The following ANKRD28 variants were observed in gnomAD, a reference collection of about 807,000 sequenced individuals.
ANKRD28 encodes ankyrin repeat domain 28, also known as serine/threonine-protein phosphatase 6 regulatory ankyrin repeat subunit A.
Under a neutral mutation model 126.5 loss-of-function variants are expected in ANKRD28, and 44 were observed. The observed-to-expected ratio is 0.35, with a 90% CI of 0.27 to 0.45. The LOEUF is 0.45. Among genes scored for constraint, ANKRD28 ranks in the 20% least tolerant of loss-of-function variants. The probability of loss-of-function intolerance (pLI) is 1.00; values close to 1 mark genes in which losing one functional copy is unlikely to be tolerated. For missense variants in ANKRD28, 1,110 were observed against 1,316.6 expected, an observed-to-expected ratio of 0.84 and a Z score of 2.43; for synonymous variants, 442 against 468.5, an observed-to-expected ratio of 0.94 and a Z score of 0.73.
Position 15,846,194 on chromosome 3 carries a change from A to G in ANKRD28, c.27+13183T>C, listed in dbSNP as rs1430604774. Among the ~76,000 whole-genome samples, 1 of 152,222 alleles carries G rather than the reference A, an allele frequency of 6.6e-6. No individual in the cohort carries two copies. The highest frequency in any genetic ancestry group is 1.5e-5 in the Non-Finnish European group (1 of 68,034). The stretch of plus-strand genomic sequence containing the variant: ...TCTTCCATCTACGAGTCTGTAAAAT[A>G]AAAAACAAGTTAGTTACTTGAAAGA... On this transcript the variant is annotated intron_variant, in intron 1 of 27. Transcript: ENST00000399451. This position sits in a 1 kb window ranked among gnomAD's most constrained non-coding sequence, Gnocchi z 5.4.
In ANKRD28 at chr3:15,850,202, A is replaced by ATAT. The variant is rs1455598240; in HGVS notation, c.27+9174_27+9175insATA. Among the ~76,000 whole-genome samples, 348 of 54,952 alleles carry ATAT rather than the reference A, an allele frequency of 6.3e-3. 6 individuals carry two copies. The highest frequency in any genetic ancestry group is 0.014 in the South Asian group (21 of 1,516). 36.1% of individuals were successfully genotyped at this position (54,952 alleles called of 152,430 possible). A position where few individuals can be genotyped will look rare whatever the true frequency, so the allele number is the denominator to read the frequency against. ...TATCTACATGCAATAAAAAAAAAAA[A>ATAT]AAATATATATATATATATATATAGA... On this transcript the variant is annotated intron_variant, in intron 1 of 27. Transcript: ENST00000399451.
At chr3:15,852,053 G>A (rs948513081) in intron 1 of ANKRD28, among the ~76,000 whole-genome samples, 2 of 152,208 alleles carry the variant, frequency 1.3e-5, no homozygotes, top group African/African-American at 2.4e-5. Flanking sequence ...AAGCTGGCAA[G>A]AATGGAGGTT....
At chr3:15,759,145 G>A (rs2058324919) in intron 3 of ANKRD28, among the ~76,000 whole-genome samples, 1 of 152,144 alleles carries the variant, frequency 6.6e-6, no homozygotes, top group African/African-American at 2.4e-5. Flanking sequence ...AGGTGGTTGG[G>A]GGAGGAGGGT....
chr3:15,730,336 ATCAAT>A (rs1415386058), intron 6 of ANKRD28, among the ~76,000 whole-genome samples: 1 of 152,232 alleles, frequency 6.6e-6, no homozygotes, highest in East Asian at 1.9e-4. Context: ...GAAGAAAATG[ATCAAT>A]TCATTTGGAG....
intron 6 of ANKRD28, among the ~76,000 whole-genome samples, chr3:15,727,449 C>A (rs913757410): frequency 1.9e-3 from 282 of 151,398 alleles, no homozygotes; most frequent in African/African-American, 6.4e-3. Flanking sequence ...TGCCTGTAAT[C>A]CCAGCTACTT....
intron 2 of ANKRD28, chr3:15,781,462 T>G (rs1457427875): frequency 6.6e-6 from 1 of 152,178 alleles, no homozygotes; most frequent in East Asian, 1.9e-4. Context: ...GATTTAATCA[T>G]CCCACATTGT....
Position 15,668,521 on chromosome 3 carries a change from A to C in ANKRD28, c.*1749T>G, listed in dbSNP as rs1280095718. The C allele has an allele frequency of 1.3e-5, 2 of 152,566 alleles. No homozygotes were observed. The highest frequency in any genetic ancestry group is 2.1e-4 in the South Asian group (1 of 4,830). The allele number at this position is 152,566 out of a possible 1,614,324, so 9.5% of individuals were successfully genotyped here. ...ATAATTTCTGTAAATATTTTAGAAA[A>C]AATGCTTAAAATCTAGTAGTCAATG... On this transcript the variant is annotated 3_prime_UTR_variant, in exon 28 of 28. Coordinates refer to ENST00000683139, the MANE Select transcript of ANKRD28 (RefSeq NM_001349278.2).
At position 15,833,625 on chromosome 3, in the gene ANKRD28, C is replaced by A. The variant is rs2061255518; in HGVS notation, c.27+25752G>T. On this transcript the variant is annotated intron_variant, in intron 1 of 27. Transcript: ENST00000399451. The surrounding 1 kb of genome is among the most constrained non-coding windows in gnomAD (Gnocchi z 4.4). Reference sequence around the variant, plus strand: ...GAGAACCCTAATACAGCACCCTTGGCAACATCTGTTGTTTTTTTGACCTTT... The same window carrying A: ...GAGAACCCTAATACAGCACCCTTGGAAACATCTGTTGTTTTTTTGACCTTT... 6.6e-6 allele frequency among the ~76,000 whole-genome samples: 1 copy of A among 151,390 alleles called. No individual in the cohort carries two copies. Among genetic ancestry groups the A allele is most frequent in the Non-Finnish European group, 1.5e-5 (1 of 67,870 alleles).
rs563322991 is a variant in ANKRD28, at chr3:15,773,592, G to A, written c.202-7280C>T. 1.2e-4 allele frequency among the ~76,000 whole-genome samples: 18 copies of A among 152,106 alleles called. No homozygotes were observed. In the East Asian group the frequency reaches 3.5e-3, roughly 29 times the overall value. On this transcript the variant is annotated intron_variant, in intron 2 of 27. Transcript: ENST00000683139. ...GTGAGCCAAGACTGCACTCCTGCCT[G>A]GGCAACAGAGTAAGACTCCATGTCA...
At chr3:15,824,138 T>A (rs965360820) in intron 1 of ANKRD28, among the ~76,000 whole-genome samples, 2 of 152,224 alleles carry the variant, frequency 1.3e-5, no homozygotes, top group African/African-American at 4.8e-5. Flanking sequence ...TTTGCAGATA[T>A]GATGTTATAC....
intron 17 of ANKRD28, 105 bp downstream of exon 17, chr3:15,694,634 C>T: frequency 1.2e-6 from 1 of 856,648 alleles, no homozygotes; most frequent in East Asian, 2.6e-5. Context: ...ATAACTATTA[C>T]ATGGACCAAA....
At chr3:15,731,599 C>T (rs1269128576) in intron 6 of ANKRD28, among the ~76,000 whole-genome samples, 2 of 152,088 alleles carry the variant, frequency 1.3e-5, no homozygotes, top group Non-Finnish European at 2.9e-5. Flanking sequence ...GTGTAAACCA[C>T]CATACACCAA....
intron 2 of ANKRD28, among the ~76,000 whole-genome samples, chr3:15,776,219 T>C (rs2059259695): frequency 6.6e-6 from 1 of 152,184 alleles, no homozygotes; most frequent in Non-Finnish European, 1.5e-5. Flanking sequence ...CTCATGGAAG[T>C]TTAAGTTATT....
At chr3:15,791,430 G>C (rs1362392621) in intron 2 of ANKRD28, among the ~76,000 whole-genome samples, 1 of 151,718 alleles carries the variant, frequency 6.6e-6, no homozygotes, top group African/African-American at 2.4e-5. Flanking sequence ...TGTACCAATA[G>C]AACAGAACAG....
At chr3:15,731,682 T>C (rs2074607848) in intron 6 of ANKRD28, among the ~76,000 whole-genome samples, 1 of 151,752 alleles carries the variant, frequency 6.6e-6, no homozygotes, top group African/African-American at 2.4e-5. Flanking sequence ...AAACCTCATC[T>C]CTACTAAATA....
At chr3:15,767,510 G>T (rs748975680) in intron 2 of ANKRD28, among the ~76,000 whole-genome samples, 5 of 151,808 alleles carry the variant, frequency 3.3e-5, no homozygotes, top group African/African-American at 1.2e-4. Flanking sequence ...GTGGACCAAT[G>T]GTATGTGAGT....
rs543340816 is a variant in ANKRD28, at chr3:15,810,257, G to A, written c.28-14951C>T. On this transcript the variant is annotated intron_variant, in intron 1 of 27. Coordinates refer to the ANKRD28 transcript ENST00000399451. ...GTAGGATGGTGAAACAGTAAACTGG[G>A]ACAACTTCTCTGGGAGAAAAAAAAA... Among the ~76,000 whole-genome samples the A allele has an allele frequency of 4.0e-5, 6 of 151,534 alleles. 1 individual carries two copies. The South Asian group carries it at 1.3e-3, about 32-fold the overall frequency.
In ANKRD28 at chr3:15,735,645, C is replaced by A. The variant is rs1381298006; in HGVS notation, c.553-148G>T. On this transcript the variant is annotated intron_variant, in intron 5 of 27. Transcript: ENST00000683139. ...AGGAGCTAGACTAAATACTGAAGGT[C>A]ATTTAACATAACAGGACAAAACATG... The A allele has an allele frequency of 5.0e-6, 3 of 599,020 alleles. No homozygotes were observed. In the East Asian group the frequency reaches 8.8e-5, roughly 18 times the overall value. 37.1% of individuals were successfully genotyped at this position (599,020 alleles called of 1,614,324 possible).
intron 1 of ANKRD28, among the ~76,000 whole-genome samples, chr3:15,856,205 T>A (rs916800123): frequency 2.0e-5 from 3 of 151,588 alleles, no homozygotes; most frequent in African/African-American, 7.3e-5. Context: ...AAAAATGGAG[T>A]TCTAAAAATG....
Sources: gnomAD v4.1 joint callset for allele counts (sites outside exome capture counted in the v4.1 genomes callset) on GRCh38, gnomAD v4.1.1 for gene constraint, Gnocchi (gnomAD v3.1) non-coding constraint, MANE v1.5 for transcripts, NCBI Gene and HGNC (gene_info 2026-07-23, HGNC 2026-07-21) for gene names.